DAPK1: variants seen among roughly 807,000 people sequenced by gnomAD.
DAPK1 encodes the protein death associated protein kinase 1, also known as death-associated protein kinase 1.
Under a neutral mutation model 144.9 loss-of-function variants are expected in DAPK1, and 56 were observed. The ratio of observed to expected loss-of-function variants is 0.39; its 90% CI spans 0.31 to 0.48. The LOEUF (loss-of-function observed/expected upper bound fraction) is 0.48, where lower values mean the gene tolerates loss of function less well. Ranked by LOEUF, DAPK1 falls within the 20% of genes least tolerant of loss-of-function variation. The pLI is 0.95. For synonymous variants in DAPK1, 690 were observed against 749.0 expected (o/e 0.92, Z 1.29); for missense variants, 1,454 against 1,875.4 (o/e 0.78, Z 4.15).
Position 87,691,514 on chromosome 9 carries a change from CT to C in DAPK1, c.2413+4779del, listed in dbSNP as rs1825051942. ...AGTTCTTCTCTGACCTTTATTATTT[CT>C]TTTCTCCTGCTAAATTGTGGTTTGG... is the stretch of plus-strand genomic sequence containing the variant. On this transcript the variant is annotated intron_variant, in intron 21 of 25. Transcript: ENST00000408954. 4.0e-5 allele frequency among the ~76,000 whole-genome samples: 6 copies of C among 151,724 alleles called. No homozygotes were observed. The South Asian group carries it at 1.2e-3, about 32-fold the overall frequency.
intron 19 of DAPK1, among the ~76,000 whole-genome samples, chr9:87,679,184 C>A (rs1293885785): frequency 6.6e-6 from 1 of 152,068 alleles, no homozygotes; most frequent in Non-Finnish European, 1.5e-5. Flanking sequence ...GGAATTCCGT[C>A]TGTCCCCGCA....
At chr9:87,584,018 T>C (rs2043866523) in intron 2 of DAPK1, among the ~76,000 whole-genome samples, 1 of 152,380 alleles carries the variant, frequency 6.6e-6, no homozygotes, top group Admixed American at 6.5e-5. Context: ...GTAGCTGTAT[T>C]ATTAGTATGC....
At chr9:87,633,356 G>A in intron 3 of DAPK1, 1 of 985,166 alleles carries the variant, frequency 1.0e-6, no homozygotes. Context: ...GTGCGTATGG[G>A]TGAGGGGGGA....
At chr9:87,539,961 G>C (rs1266199084) in intron 2 of DAPK1, among the ~76,000 whole-genome samples, 2 of 151,986 alleles carry the variant, frequency 1.3e-5, no homozygotes, top group African/African-American at 4.8e-5. Flanking sequence ...GAGTAGTGAT[G>C]CCGGCAATTC....
chr9:87,640,162 C>A, intron 7 of DAPK1, 136 bp from the exon 8 acceptor site: 1 of 906,938 alleles, frequency 1.1e-6, no homozygotes, highest in East Asian at 2.6e-5. Flanking sequence ...AGTTAAAGCC[C>A]TATGAAATAT....
chr9:87,651,283 A>C (rs1830434713), intron 16 of DAPK1, among the ~76,000 whole-genome samples: 1 of 152,236 alleles, frequency 6.6e-6, no homozygotes, highest in South Asian at 2.1e-4. Flanking sequence ...TGAAGCCTAA[A>C]TGAATCAAGC....
Position 87,566,137 on chromosome 9 carries a change from C to T in DAPK1, c.63-38817C>T, listed in dbSNP as rs1411397386. Among the ~76,000 whole-genome samples the T allele has an allele frequency of 9.9e-5, 15 of 151,792 alleles. 1 individual carries two copies. The highest frequency in any genetic ancestry group is 9.8e-4 in the Admixed American group (15 of 15,236). ...CCAGGTTCACGCCATTCTCCTGCCT[C>T]AGCCTCCCAAGTAGCTGGGACTACA... On this transcript the variant is annotated intron_variant, in intron 2 of 25. Coordinates refer to ENST00000408954, the MANE Select transcript of DAPK1 (RefSeq NM_004938.4).
At chr9:87,647,212 C>T (rs1332147068) in intron 13 of DAPK1, 93 bp from the exon 14 acceptor site, 8 of 1,027,146 alleles carry the variant, frequency 7.8e-6, no homozygotes, top group Admixed American at 6.9e-5. Flanking sequence ...TTTGTCATCA[C>T]ACAGGAAGGG....
chr9:87,629,282 A>G (rs932150911), intron 3 of DAPK1, among the ~76,000 whole-genome samples: 1 of 151,998 alleles, frequency 6.6e-6, no homozygotes, highest in Non-Finnish European at 1.5e-5. Flanking sequence ...GCAGGCGGGG[A>G]TGGGAATGCT....
At position 87,706,955 on chromosome 9, in the gene DAPK1, G is replaced by A. The variant is rs1825665154; in HGVS notation, c.3884G>A (p.Ser1295Asn). 1 of 1,613,314 alleles carries A rather than the reference G, an allele frequency of 6.2e-7. No individual in the cohort carries two copies. The highest frequency in any genetic ancestry group is 8.5e-7 in the Non-Finnish European group (1 of 1,179,662). Residue 1295 changes from serine to asparagine, a missense_variant, in exon 26 of 26, where the codon AGC (serine) becomes AAC (asparagine). Ser to Asn is a conservative substitution (Grantham distance 46). Around this residue, in one of 2 missense-constraint regions of DAPK1, gnomAD observed 1,025 missense variants for 1,237.9 expected, o/e 0.83. Transcript: ENST00000408954. The surrounding 1 kb of genome is among the most constrained non-coding windows in gnomAD (Gnocchi z 9.0). ...TGTCACGACGTCTACTCACAGGCCA[G>A]CCTCGGCATGGACATCCATGCATCA... ...FGCHDVYSQASLGMDIHASDL... is the reference protein window; with the variant it reads ...FGCHDVYSQANLGMDIHASDL...
At chr9:87,617,181 A>G (rs1205127995) in intron 3 of DAPK1, among the ~76,000 whole-genome samples, 5 of 152,310 alleles carry the variant, frequency 3.3e-5, no homozygotes, top group African/African-American at 1.2e-4. Flanking sequence ...CTCTTTTCTC[A>G]AAGACTTTCT....
chr9:87,685,713 G>A (rs1824818358), intron 20 of DAPK1, among the ~76,000 whole-genome samples: 1 of 152,140 alleles, frequency 6.6e-6, no homozygotes, highest in African/African-American at 2.4e-5. Flanking sequence ...ACACCCACAA[G>A]TTCACCATTG....
chr9:87,650,298 A>G, intron 16 of DAPK1, 180 bp downstream of exon 16: 1 of 592,392 alleles, frequency 1.7e-6, no homozygotes, highest in Non-Finnish European at 2.9e-6. Context: ...TTAATAGTTA[A>G]TATTAATTTA....
intron 3 of DAPK1, among the ~76,000 whole-genome samples, chr9:87,615,334 C>T (rs1187089159): frequency 6.6e-6 from 1 of 152,192 alleles, no homozygotes; most frequent in African/African-American, 2.4e-5. Context: ...TCCAGCGGGA[C>T]CGCTGGGAAT....
chr9:87,620,175 G>C lies in DAPK1; in HGVS notation c.284+15000G>C, dbSNP rs36208749. Among the ~76,000 whole-genome samples the C allele has an allele frequency of 1.8e-4, 27 of 152,106 alleles. No homozygotes were observed. In the South Asian group the frequency reaches 2.5e-3, roughly 14 times the overall value. ...GGTGGGCGGTGGAGACCCTCTGCTC[G>C]TGCCCCTCCGCTCGTGCCCCTCCTT... On this transcript the variant is annotated intron_variant, in intron 3 of 25. Transcript: ENST00000408954.
Position 87,662,560 on chromosome 9 carries a change from GTTTTTT to G in DAPK1, c.1923+4453_1923+4458del, listed in dbSNP as rs71507734. 6.2e-3 allele frequency among the ~76,000 whole-genome samples: 198 copies of G among 32,140 alleles called. 3 individuals carry two copies. The highest frequency in any genetic ancestry group is 7.8e-3 in the Admixed American group (15 of 1,920). 21.1% of individuals were successfully genotyped at this position (32,140 alleles called of 152,430 possible). A position where few individuals can be genotyped will look rare whatever the true frequency, so the allele number is the denominator to read the frequency against. On this transcript the variant is annotated intron_variant, in intron 18 of 25. Coordinates refer to ENST00000408954, the MANE Select transcript of DAPK1 (RefSeq NM_004938.4). The stretch of plus-strand genomic sequence containing the variant: ...ACCTCCTTGGTTAAATATATTCCTA[GTTTTTT>G]TTTTTTTTTTTTTTTTTTTGGTAGC...
chr9:87,499,036 A>G lies in DAPK1; in HGVS notation c.-42A>G. ...GCGGTGGTGATGGTCTGGGAAGCGG[A>G]GCTGAAGTGCCCTGGGCTTTGGTGA... On this transcript the variant is annotated 5_prime_UTR_variant, in exon 2 of 26. Transcript: ENST00000408954. 6.3e-7 allele frequency: 1 copy of G among 1,590,250 alleles called. No individual in the cohort carries two copies. Among genetic ancestry groups the G allele is most frequent in the Non-Finnish European group, 8.6e-7 (1 of 1,158,614 alleles).
At chr9:87,680,344 A>G (rs1157650162) in intron 19 of DAPK1, among the ~76,000 whole-genome samples, 1 of 152,072 alleles carries the variant, frequency 6.6e-6, no homozygotes, top group Non-Finnish European at 1.5e-5. Context: ...GACCCTGGTG[A>G]TCCATGTGCC....
intron 3 of DAPK1, among the ~76,000 whole-genome samples, chr9:87,615,216 C>T (rs1829054357): frequency 6.6e-6 from 1 of 152,178 alleles, no homozygotes; most frequent in Admixed American, 6.5e-5. Context: ...TTCCAGATAA[C>T]CAAGTATTAC....
Sources: allele counts gnomAD v4.1 joint callset (sites outside exome capture counted in the v4.1 genomes callset), GRCh38; gene constraint gnomAD v4.1.1; regional missense constraint gnomAD v4.1.1; non-coding constraint Gnocchi (gnomAD v3.1); transcripts MANE v1.5; gene names NCBI Gene and HGNC (gene_info 2026-07-23, HGNC 2026-07-21).